CCDC88A: variants seen among roughly 807,000 people sequenced by gnomAD.
CCDC88A encodes the protein coiled-coil and HOOK domain protein 88A.
In CCDC88A, 54 loss-of-function variants were observed where a neutral mutation model predicts 234.3. The observed-to-expected ratio is 0.23, with a 90% CI of 0.19 to 0.29. CCDC88A has a LOEUF of 0.29. CCDC88A is among the 10% of genes least tolerant of loss of function. CCDC88A has a pLI of 1.00. For synonymous variants in CCDC88A, 753 were observed against 737.8 expected (o/e 1.02, Z -0.33); for missense variants, 1,832 against 2,123.4 (o/e 0.86, Z 2.70).
chr2:55,322,426 C>T (rs1683754694), intron 18 of CCDC88A, 102 bp downstream of exon 18: 1 of 686,462 alleles, frequency 1.5e-6, no homozygotes, highest in Non-Finnish European at 2.4e-6. Context: ...TATTAAGTGC[C>T]ATCAATTGTT....
intron 25 of CCDC88A, among the ~76,000 whole-genome samples, chr2:55,306,737 G>A (rs559309027): frequency 3.0e-4 from 46 of 152,030 alleles, no homozygotes; most frequent in African/African-American, 1.1e-3. Flanking sequence ...CCACCACACT[G>A]GGCTAATTTT....
At chr2:55,381,679 CATT>C (rs1236616050) in intron 3 of CCDC88A, among the ~76,000 whole-genome samples, 11 of 150,794 alleles carry the variant, frequency 7.3e-5, no homozygotes, top group Non-Finnish European at 5.9e-5. Flanking sequence ...CAGATATAAA[CATT>C]ATTTAGTTAC....
chr2:55,362,774 T>C (rs1393552601), intron 6 of CCDC88A, among the ~76,000 whole-genome samples: 2 of 152,036 alleles, frequency 1.3e-5, no homozygotes, highest in Non-Finnish European at 1.5e-5. Context: ...ATTCTGTAGA[T>C]AAGACTTCTA....
chr2:55,371,828 T>G (rs72927340), intron 5 of CCDC88A, among the ~76,000 whole-genome samples: 6,322 of 152,212 alleles, frequency 0.042, 423 homozygotes, highest in African/African-American at 0.14. Context: ...CTTTCGCAAG[T>G]GTCCCAATTT....
intron 3 of CCDC88A, among the ~76,000 whole-genome samples, chr2:55,379,184 T>C (rs1454704052): frequency 6.6e-6 from 1 of 152,144 alleles, no homozygotes; most frequent in East Asian, 1.9e-4. Flanking sequence ...TATTATATCA[T>C]CATAGACTCC....
Position 55,295,816 on chromosome 2 carries a change from G to C in CCDC88A, c.5332C>G (p.Gln1778Glu), listed in dbSNP as rs780531382. The change falls in exon 31 of 33, where the codon CAA becomes GAA. Residue 1778 changes from glutamine (Q) to glutamate (E), a missense_variant. Around this residue, in one of 6 missense-constraint regions of CCDC88A, gnomAD observed 422 missense variants for 416.5 expected, o/e 1.01. Coordinates refer to ENST00000436346, the MANE Select transcript of CCDC88A (RefSeq NM_001365480.1). Reference protein sequence around the residue: ...SSAGKPTPGTQGKIKLVKESS... With the variant: ...SSAGKPTPGTEGKIKLVKESS... ...TCTTTTACTAATTTTATTTTTCCTT[G>C]AGTGCCTGGTGTAGGTTTTCCCGCA... The C allele has an allele frequency of 4.3e-6, 7 of 1,614,064 alleles. No individual in the cohort carries two copies. Among genetic ancestry groups the C allele is most frequent in the Non-Finnish European group, 4.2e-6 (5 of 1,180,016 alleles).
At chr2:55,373,573 G>A (rs141982766) in intron 4 of CCDC88A, among the ~76,000 whole-genome samples, 132 of 152,190 alleles carry the variant, frequency 8.7e-4, no homozygotes, top group Middle Eastern at 3.4e-3. Context: ...CATAATCTGT[G>A]TATCCTTCAC....
At chr2:55,365,782 G>T (rs903001405) in intron 5 of CCDC88A, among the ~76,000 whole-genome samples, 10 of 152,098 alleles carry the variant, frequency 6.6e-5, no homozygotes, top group African/African-American at 2.4e-4. Context: ...AAAAGAGAAA[G>T]ACTGTCAAGA....
In CCDC88A at chr2:55,367,528, G is replaced by GTTTTT; in HGVS notation, c.403-3500_403-3496dup. On this transcript the variant is annotated intron_variant, in intron 5 of 32. Transcript: ENST00000436346. Reference sequence around the variant, plus strand: ...TTGCTAGAAATTGTTTTATTTCCTTGTTTTTTTTTAAGAGACTGGGTCTTG... The same window carrying GTTTTT: ...TTGCTAGAAATTGTTTTATTTCCTTGTTTTTTTTTTTTTTAAGAGACTGGGTCTTG... 8.0e-5 allele frequency among the ~76,000 whole-genome samples: 8 copies of GTTTTT among 99,878 alleles called. 2 individuals carry two copies. Among genetic ancestry groups the GTTTTT allele is most frequent in the South Asian group, 3.4e-4 (1 of 2,946 alleles). 65.5% of individuals were successfully genotyped at this position (99,878 alleles called of 152,430 possible).
intron 12 of CCDC88A, among the ~76,000 whole-genome samples, chr2:55,341,165 A>G (rs1197496379): frequency 1.1e-4 from 9 of 84,946 alleles, no homozygotes; most frequent in Admixed American, 1.6e-4. Flanking sequence ...TTTTTTTTTG[A>G]GACAGAGTCT....
In CCDC88A at chr2:55,296,275, T is replaced by G; in HGVS notation, c.5074A>C (p.Lys1692Gln). 6.2e-7 allele frequency: 1 copy of G among 1,614,152 alleles called. No homozygotes were observed. The highest frequency in any genetic ancestry group is 1.3e-5 in the African/African-American group (1 of 75,064). ...TLQQFLEESN[K>Q]LTSVQIKSSS... ...AAACTAACCTGTACTGAGGTAAGCT[T>G]ATTGCTTTCTTCCAAAAACTGTTGT... is the stretch of plus-strand genomic sequence containing the variant. The change falls in exon 30 of 33, where the codon AAG becomes CAG. Residue 1692 changes from lysine (K) to glutamine (Q), a missense_variant. Transcript: ENST00000436346.
At chr2:55,293,123 CAT>C (rs1225226236) in intron 31 of CCDC88A, among the ~76,000 whole-genome samples, 1 of 151,416 alleles carries the variant, frequency 6.6e-6, no homozygotes, top group African/African-American at 2.4e-5. Context: ...AATATAATAG[CAT>C]GTGATTTTTC....
At chr2:55,322,387 G>GA (rs35439603) in intron 18 of CCDC88A, 141 bp downstream of exon 18, 486,299 of 538,616 alleles carry the variant, frequency 0.9, 224,487 homozygotes, top group East Asian at 0.96. Flanking sequence ...GGAACAAATA[G>GA]AAAAAGGACT....
chr2:55,401,426 T>A (rs1275680610), intron 2 of CCDC88A, among the ~76,000 whole-genome samples: 1 of 58,854 alleles, frequency 1.7e-5, no homozygotes, highest in African/African-American at 5.3e-5. Flanking sequence ...AGAGAAAGAC[T>A]CTGTCTCCAA....
chr2:55,384,948 C>G (rs893804849), intron 3 of CCDC88A, among the ~76,000 whole-genome samples: 1 of 151,930 alleles, frequency 6.6e-6, no homozygotes, highest in Non-Finnish European at 1.5e-5. Context: ...TGAGCTACCG[C>G]GCCTGGCTAA....
intron 22 of CCDC88A, chr2:55,315,370 A>G (rs1421574938): frequency 6.6e-6 from 1 of 152,240 alleles, no homozygotes; most frequent in Non-Finnish European, 1.5e-5. Context: ...GTTCCTTCCC[A>G]GGGTTGAATA....
chr2:55,343,515 G>A (rs1046969802), intron 12 of CCDC88A, 133 bp downstream of exon 12: 2 of 655,874 alleles, frequency 3.0e-6, no homozygotes, highest in African/African-American at 3.7e-5. Context: ...ATATATTACT[G>A]TGTGAAATCA....
chr2:55,379,575 A>G (rs1439668076), intron 3 of CCDC88A, among the ~76,000 whole-genome samples: 1 of 152,264 alleles, frequency 6.6e-6, no homozygotes, highest in South Asian at 2.1e-4. Flanking sequence ...ACATTTTAGT[A>G]AGAGAAGAAA....
intron 5 of CCDC88A, among the ~76,000 whole-genome samples, chr2:55,370,495 GCC>G (rs1200105887): frequency 6.6e-6 from 1 of 151,522 alleles, no homozygotes; most frequent in Non-Finnish European, 1.5e-5. Context: ...TAAAAAATTA[GCC>G]AGGTGTGGTA....
Sources: gnomAD v4.1 joint callset for allele counts (sites outside exome capture counted in the v4.1 genomes callset) on GRCh38, gnomAD v4.1.1 for gene constraint, gnomAD v4.1.1 regional missense constraint, MANE v1.5 for transcripts, NCBI Gene and HGNC (gene_info 2026-07-23, HGNC 2026-07-21) for gene names.